The following NDST3 variants were observed in gnomAD, a reference collection of about 807,000 sequenced individuals.
NDST3 encodes N-deacetylase and N-sulfotransferase 3, also known as bifunctional heparan sulfate N-deacetylase/N-sulfotransferase 3.
Under a neutral mutation model 96.1 loss-of-function variants are expected in NDST3, and 58 were observed. That is an observed-to-expected ratio of 0.60 (90% confidence interval 0.49 to 0.75). The LOEUF is 0.75. Ranked by LOEUF, NDST3 falls within the 30% of genes least tolerant of loss-of-function variation. The pLI is 0.00. For synonymous variants in NDST3, 333 were observed against 359.7 expected (o/e 0.93, Z 0.84); for missense variants, 788 against 1,034.2 (o/e 0.76, Z 3.27).
chr4:118,103,996 A>C (rs1288190771), intron 2 of NDST3, among the ~76,000 whole-genome samples: 2 of 152,180 alleles, frequency 1.3e-5, no homozygotes, highest in Non-Finnish European at 2.9e-5. Flanking sequence ...TCAATGAATA[A>C]AAAACTCTAT....
intron 2 of NDST3, 27 bp from the exon 3 acceptor site, chr4:118,104,991 A>G: frequency 6.3e-7 from 1 of 1,593,056 alleles, no homozygotes; most frequent in Non-Finnish European, 8.6e-7. Flanking sequence ...TCTTTACCTG[A>G]TACATTTTTT....
intron 5 of NDST3, among the ~76,000 whole-genome samples, chr4:118,141,753 T>C (rs143770439): frequency 3.1e-4 from 47 of 152,302 alleles, no homozygotes; most frequent in Admixed American, 7.2e-4. Flanking sequence ...ATGTAGCTTT[T>C]GGGTCTTTCC....
chr4:118,133,150 T>C (rs553321025), intron 4 of NDST3, among the ~76,000 whole-genome samples: 104 of 152,250 alleles, frequency 6.8e-4, no homozygotes, highest in African/African-American at 2.4e-3. Context: ...GGAATTGAAG[T>C]CCTTGTGTGC....
chr4:118,246,687 T>TA (rs1370545124), intron 12 of NDST3, among the ~76,000 whole-genome samples: 1 of 152,106 alleles, frequency 6.6e-6, no homozygotes, highest in East Asian at 1.9e-4. Flanking sequence ...TCAGGAAACT[T>TA]ACAGTTATGG....
intron 2 of NDST3, among the ~76,000 whole-genome samples, chr4:118,094,861 T>C (rs1729162894): frequency 6.6e-6 from 1 of 151,812 alleles, no homozygotes; most frequent in African/African-American, 2.4e-5. Context: ...CGATAAATTC[T>C]ATGAAAAAAT....
At chr4:118,125,989 T>C (rs1004074530) in intron 4 of NDST3, among the ~76,000 whole-genome samples, 3 of 152,126 alleles carry the variant, frequency 2.0e-5, no homozygotes, top group East Asian at 3.9e-4. Flanking sequence ...CCAACATCCA[T>C]ACCATTTCTT....
rs746896210 is a variant in NDST3 at position 118,054,474 on chromosome 4, T to C, written c.564T>C (p.Leu188=). The C allele has an allele frequency of 4.3e-6, 7 of 1,612,988 alleles. No homozygotes were observed. In the East Asian group the frequency reaches 8.9e-5, roughly 21 times the overall value. Residue 188 remains leucine, a synonymous_variant, in exon 2 of 14, where the codon CTT becomes CTC. Coordinates refer to ENST00000296499, the MANE Select transcript of NDST3 (RefSeq NM_004784.3). ...KGFPFSIYGN[L]AVKDCCINPH... is the part of the protein sequence containing the mutation. The stretch of plus-strand genomic sequence containing the variant: ...TCCCTTTTTCCATATATGGAAATCT[T>C]GCAGTAAAAGATTGTTGTATTAATC...
At chr4:118,202,983 T>C (rs748002583) in intron 6 of NDST3, among the ~76,000 whole-genome samples, 1 of 152,184 alleles carries the variant, frequency 6.6e-6, no homozygotes, top group Admixed American at 6.5e-5. Context: ...TTGAAGTATG[T>C]TCCTTCATTG....
In NDST3 at chr4:118,233,042, T is replaced by C. The variant is rs761624728; in HGVS notation, c.1850T>C (p.Met617Thr). The change falls in exon 9 of 14, where the codon ATG becomes ACG. Residue 617 changes from methionine to threonine, a missense_variant. By Grantham distance (81) the Met-to-Thr change is moderately conservative. Coordinates refer to ENST00000296499, the MANE Select transcript of NDST3 (RefSeq NM_004784.3). Reference protein sequence around the residue: ...GTTALYLFLVMHPSILSNSPS... With the variant: ...GTTALYLFLVTHPSILSNSPS... Reference sequence around the variant, plus strand: ...ACTGCTTTGTATTTGTTCCTGGTTATGCATCCTTCCATCCTTAGTAACTCC... The same window carrying C: ...ACTGCTTTGTATTTGTTCCTGGTTACGCATCCTTCCATCCTTAGTAACTCC... 31 of 1,613,348 alleles carry C rather than the reference T, an allele frequency of 1.9e-5. No homozygotes were observed. The highest frequency in any genetic ancestry group is 2.5e-5 in the Non-Finnish European group (29 of 1,179,458).
intron 6 of NDST3, among the ~76,000 whole-genome samples, chr4:118,160,821 T>C (rs1735056377): frequency 6.6e-6 from 1 of 152,148 alleles, no homozygotes; most frequent in Non-Finnish European, 1.5e-5. Context: ...TTGAATTTCC[T>C]CCTGTAGCTC....
chr4:118,193,703 C>T (rs114063606), intron 6 of NDST3: 19 of 1,289,090 alleles, frequency 1.5e-5, no homozygotes, highest in South Asian at 4.7e-5. Flanking sequence ...GTGGGCCTCT[C>T]CCCAATGGAA....
Position 118,206,955 on chromosome 4 carries a change from C to T in NDST3, c.1540-17536C>T, listed in dbSNP as rs1209256654. On this transcript the variant is annotated intron_variant, in intron 6 of 13. Coordinates refer to ENST00000296499, the MANE Select transcript of NDST3 (RefSeq NM_004784.3). ...TAATAGCATAAAACCTTAATAAGAA[C>T]TTGAATAACTTACAGCACATTCACA... is the stretch of plus-strand genomic sequence containing the variant. Among the ~76,000 whole-genome samples, 3 of 143,012 alleles carry T rather than the reference C, an allele frequency of 2.1e-5. 1 individual carries two copies. Among genetic ancestry groups the T allele is most frequent in the African/African-American group, 7.8e-5 (3 of 38,544 alleles). 93.8% of individuals were successfully genotyped at this position (143,012 alleles called of 152,430 possible).
chr4:118,050,411 T>C (rs1328815071), intron 1 of NDST3, among the ~76,000 whole-genome samples: 2 of 152,042 alleles, frequency 1.3e-5, no homozygotes, highest in East Asian at 1.9e-4. Context: ...AGCATCCAAA[T>C]AGAAAAAGAA....
At chr4:118,176,210 T>C (rs771265339) in intron 6 of NDST3, among the ~76,000 whole-genome samples, 7 of 151,874 alleles carry the variant, frequency 4.6e-5, no homozygotes, top group Non-Finnish European at 8.8e-5. Context: ...CATTTACCTA[T>C]GTAACAAACC....
At chr4:118,183,721 T>C (rs924570993) in intron 6 of NDST3, among the ~76,000 whole-genome samples, 3 of 152,224 alleles carry the variant, frequency 2.0e-5, no homozygotes, top group African/African-American at 7.2e-5. Context: ...CTCTGGAATT[T>C]AGGATAATTG....
At chr4:118,152,769 G>A (rs1157630949) in intron 6 of NDST3, among the ~76,000 whole-genome samples, 1 of 152,164 alleles carries the variant, frequency 6.6e-6, no homozygotes, top group Admixed American at 6.5e-5. Context: ...GGTTTCTGCA[G>A]TAGTTAATTA....
chr4:118,180,244 T>C (rs1523748), intron 6 of NDST3, among the ~76,000 whole-genome samples: 12,841 of 152,142 alleles, frequency 0.084, 1,264 homozygotes, highest in African/African-American at 0.25. Flanking sequence ...TTTTCAACTC[T>C]TGCCTCTCTC....
chr4:118,232,945 T>C (rs1740404052), intron 8 of NDST3, 67 bp from the exon 9 acceptor site: 2 of 1,446,240 alleles, frequency 1.4e-6, no homozygotes, highest in Admixed American at 3.6e-5. Context: ...TTCATGACTT[T>C]AAAGTGTTGA....
intron 2 of NDST3, among the ~76,000 whole-genome samples, chr4:118,063,342 T>G (rs1441535445): frequency 6.6e-6 from 1 of 152,062 alleles, no homozygotes; most frequent in South Asian, 2.1e-4. Context: ...AGAACAGAGA[T>G]TTAGGTTCTA....
Sources: gnomAD v4.1 joint callset for allele counts (sites outside exome capture counted in the v4.1 genomes callset) on GRCh38, gnomAD v4.1.1 for gene constraint, MANE v1.5 for transcripts, NCBI Gene and HGNC (gene_info 2026-07-23, HGNC 2026-07-21) for gene names.